SLCO1B1: variants seen among roughly 807,000 people sequenced by gnomAD.
SLCO1B1 encodes the protein solute carrier organic anion transporter family member 1B1, also known as OATP-2.
SLCO1B1 carries 81 observed loss-of-function variants against 70.1 expected under a neutral mutation model. That is an observed-to-expected ratio of 1.16 (90% confidence interval 0.97 to 1.39). The LOEUF (loss-of-function observed/expected upper bound fraction) is 1.39. SLCO1B1 is among the 40% of genes most tolerant of loss of function. The pLI is 0.00. For missense variants in SLCO1B1, 895 were observed against 799.6 expected (o/e 1.12, Z -1.44); for synonymous variants, 283 against 271.5 (o/e 1.04, Z -0.42).
At chr12:21,222,723 A>C (rs1941443297) in intron 13 of SLCO1B1, among the ~76,000 whole-genome samples, 2 of 152,194 alleles carry the variant, frequency 1.3e-5, no homozygotes, top group African/African-American at 2.4e-5. Flanking sequence ...CAGAAAAATA[A>C]GAATATTTCC....
intron 11 of SLCO1B1, among the ~76,000 whole-genome samples, chr12:21,208,750 T>A (rs1346525829): frequency 6.6e-6 from 1 of 152,130 alleles, no homozygotes; most frequent in South Asian, 2.1e-4. Context: ...TTTCTACCAA[T>A]CCATGAGAGT....
chr12:21,143,319 C>G (rs1195662157), intron 2 of SLCO1B1, among the ~76,000 whole-genome samples: 1 of 151,916 alleles, frequency 6.6e-6, no homozygotes, highest in Non-Finnish European at 1.5e-5. Context: ...CATTAAATTA[C>G]ATTTTATCAT....
chr12:21,176,534 A>G (rs1265192126), intron 4 of SLCO1B1, among the ~76,000 whole-genome samples: 3 of 152,118 alleles, frequency 2.0e-5, no homozygotes, highest in Non-Finnish European at 4.4e-5. Context: ...CTCCTAGGAT[A>G]ATAGCAAGGT....
At position 21,178,563 on chromosome 12, in the gene SLCO1B1, CT is replaced by C. The variant is rs1207510396; in HGVS notation, c.482-11del. On this transcript the variant is annotated splice_polypyrimidine_tract_variant and intron_variant, in intron 5 of 14. Coordinates refer to ENST00000256958, the MANE Select transcript of SLCO1B1 (RefSeq NM_006446.5). Reference sequence around the variant, plus strand: ...ATTAATGTTTAAAATGAAACACTCTCTTATCTACATAGGTTGTTTAAAGGAA... The same window carrying C: ...ATTAATGTTTAAAATGAAACACTCTCTATCTACATAGGTTGTTTAAAGGAA... 6.3e-7 allele frequency: 1 copy of C among 1,577,280 alleles called. No individual in the cohort carries two copies. Among genetic ancestry groups the C allele is most frequent in the Non-Finnish European group, 8.7e-7 (1 of 1,147,702 alleles).
chr12:21,145,866 T>C (rs1326406331), intron 2 of SLCO1B1, among the ~76,000 whole-genome samples: 1 of 152,116 alleles, frequency 6.6e-6, no homozygotes, highest in Non-Finnish European at 1.5e-5. Flanking sequence ...ATTTCCAAGT[T>C]TTAGTACATT....
intron 11 of SLCO1B1, among the ~76,000 whole-genome samples, chr12:21,215,108 A>G (rs2121175778): frequency 6.6e-6 from 1 of 152,136 alleles, no homozygotes; most frequent in South Asian, 2.1e-4. Context: ...TTTGAGATAT[A>G]GAATCATATC....
At chr12:21,191,613 AAT>A (rs1565677794) in intron 7 of SLCO1B1, among the ~76,000 whole-genome samples, 1 of 152,004 alleles carries the variant, frequency 6.6e-6, no homozygotes. Context: ...TTCAAGTTTG[AAT>A]GTCTTTTATT....
intron 2 of SLCO1B1, among the ~76,000 whole-genome samples, chr12:21,142,634 A>G (rs1404494761): frequency 1.3e-5 from 2 of 152,032 alleles, no homozygotes; most frequent in Non-Finnish European, 2.9e-5. Context: ...GAGATTACTG[A>G]TAAAGCCTTC....
At chr12:21,187,354 A>G (rs529768566) in intron 7 of SLCO1B1, among the ~76,000 whole-genome samples, 8 of 152,226 alleles carry the variant, frequency 5.3e-5, no homozygotes, top group East Asian at 3.9e-4. Context: ...GTTTCCATCA[A>G]TGCCTTGTTC....
At position 21,172,761 on chromosome 12, in the gene SLCO1B1, G is replaced by T; in HGVS notation, c.196G>T (p.Val66Phe). The change falls in exon 3 of 15, where the codon GTT (valine) becomes TTT (phenylalanine). Residue 66 changes from valine to phenylalanine, a missense_variant. Coordinates refer to ENST00000256958, the MANE Select transcript of SLCO1B1 (RefSeq NM_006446.5). ...GAGATTTGAGATATCCTCTTCTCTTGTTGGTTTTATTGACGGAAGCTTTGA... is the reference window on the plus strand; with the variant it reads ...GAGATTTGAGATATCCTCTTCTCTTTTTGGTTTTATTGACGGAAGCTTTGA... Reference protein sequence around the residue: ...ERRFEISSSLVGFIDGSFEIG... With the variant: ...ERRFEISSSLFGFIDGSFEIG... 1 of 1,613,344 alleles carries T rather than the reference G, an allele frequency of 6.2e-7. No individual in the cohort carries two copies.
intron 10 of SLCO1B1, among the ~76,000 whole-genome samples, chr12:21,204,736 T>C (rs1183220560): frequency 2.0e-5 from 3 of 151,876 alleles, no homozygotes; most frequent in African/African-American, 7.2e-5. Flanking sequence ...GGCTGGAACA[T>C]GTAAGACCAA....
At chr12:21,216,851 G>A (rs191168976) in intron 11 of SLCO1B1, among the ~76,000 whole-genome samples, 353 of 152,228 alleles carry the variant, frequency 2.3e-3, no homozygotes, top group African/African-American at 8.2e-3. Flanking sequence ...ATTGTATACA[G>A]AGTTCTAGGC....
rs138178311 is a variant in SLCO1B1 at position 21,198,396 on chromosome 12, A to G, written c.970+1208A>G. 3.5e-4 allele frequency among the ~76,000 whole-genome samples: 53 copies of G among 152,240 alleles called. No individual in the cohort carries two copies. In the East Asian group the frequency reaches 9.6e-3, roughly 28 times the overall value. The stretch of plus-strand genomic sequence containing the variant: ...TTAACATTCACACTAAAAGTACTAT[A>G]CCAATAATTTTCATTTTGTATATGA... On this transcript the variant is annotated intron_variant, in intron 8 of 14. Transcript: ENST00000256958.
chr12:21,164,057 G>C (rs1420930601), intron 2 of SLCO1B1, among the ~76,000 whole-genome samples: 2 of 152,088 alleles, frequency 1.3e-5, no homozygotes, highest in African/African-American at 2.4e-5. Flanking sequence ...TACTGGAAAA[G>C]ACATGAGAGA....
chr12:21,154,584 A>G (rs576054836), intron 2 of SLCO1B1, among the ~76,000 whole-genome samples: 2 of 152,188 alleles, frequency 1.3e-5, no homozygotes, highest in South Asian at 4.1e-4. Flanking sequence ...CCTCTATACA[A>G]TATGATGCTA....
chr12:21,134,821 G>T (rs918380078), intron 1 of SLCO1B1, among the ~76,000 whole-genome samples: 1 of 152,048 alleles, frequency 6.6e-6, no homozygotes, highest in African/African-American at 2.4e-5. Context: ...GGTTTTTTGT[G>T]TCTCTATTTC....
rs554616966 is a variant in SLCO1B1, at chr12:21,137,784, C to T, written c.-61-3730C>T. On this transcript the variant is annotated intron_variant, in intron 1 of 14. Transcript: ENST00000256958. Reference sequence around the variant, plus strand: ...GGGAATTCCCTGACCCCTTGTGCTTCCCGGGTGAGGCAATGCCTCGCCCTG... The same window carrying T: ...GGGAATTCCCTGACCCCTTGTGCTTTCCGGGTGAGGCAATGCCTCGCCCTG... Among the ~76,000 whole-genome samples, 3 of 152,354 alleles carry T rather than the reference C, an allele frequency of 2.0e-5. No homozygotes were observed. The East Asian group carries it at 5.8e-4, about 29-fold the overall frequency.
chr12:21,185,884 A>G (rs1940957419), intron 7 of SLCO1B1, among the ~76,000 whole-genome samples: 1 of 152,060 alleles, frequency 6.6e-6, no homozygotes, highest in Non-Finnish European at 1.5e-5. Context: ...AATGACAAAG[A>G]TCACATTACA....
At chr12:21,205,755 C>G in intron 10 of SLCO1B1, 113 bp from the exon 11 acceptor site, 1 of 726,222 alleles carries the variant, frequency 1.4e-6, no homozygotes, top group African/African-American at 2.5e-5. Context: ...AATTCTTTAT[C>G]TACTTTTTTT....
Sources: allele counts gnomAD v4.1 joint callset (sites outside exome capture counted in the v4.1 genomes callset), GRCh38; gene constraint gnomAD v4.1.1; transcripts MANE v1.5; gene names NCBI Gene and HGNC (gene_info 2026-07-23, HGNC 2026-07-21).